Variants in DGKI observed in about 807,000 individuals in gnomAD.
DGKI encodes diacylglycerol kinase iota.
A neutral mutation model predicts 147.5 loss-of-function variants in DGKI; 55 were observed. The ratio of observed to expected loss-of-function variants is 0.37; its 90% CI spans 0.30 to 0.47. DGKI has a LOEUF of 0.47. Among genes scored for constraint, DGKI ranks in the 20% least tolerant of loss-of-function variants. The pLI is 1.00. For synonymous variants in DGKI, 469 were observed against 477.1 expected (o/e 0.98, Z 0.22); for missense variants, 1,007 against 1,323.8 (o/e 0.76, Z 3.71).
intron 28 of DGKI, among the ~76,000 whole-genome samples, chr7:137,415,714 G>A (rs1469797754): frequency 6.6e-6 from 1 of 152,108 alleles, no homozygotes; most frequent in Non-Finnish European, 1.5e-5. Context: ...AGGCATGGTG[G>A]CTCACATCTG....
At chr7:137,758,951 C>CAAAAA (rs1795771056) in intron 1 of DGKI, among the ~76,000 whole-genome samples, 3 of 152,076 alleles carry the variant, frequency 2.0e-5, no homozygotes, top group African/African-American at 7.2e-5. Context: ...TATGTATATT[C>CAAAAA]TTCTTAAATT....
At chr7:137,523,626 A>G (rs1037788491) in intron 20 of DGKI, among the ~76,000 whole-genome samples, 1 of 152,162 alleles carries the variant, frequency 6.6e-6, no homozygotes, top group Non-Finnish European at 1.5e-5. Context: ...ATTTGAAAAG[A>G]CAGATTCAAC....
intron 14 of DGKI, 39 bp downstream of exon 14, chr7:137,585,170 C>A (rs1036443854): frequency 6.2e-7 from 1 of 1,611,980 alleles, no homozygotes; most frequent in Admixed American, 1.7e-5. Context: ...CAGGCAGATG[C>A]TCCAGGGCTC....
intron 19 of DGKI, among the ~76,000 whole-genome samples, chr7:137,554,659 C>T (rs932255068): frequency 2.0e-5 from 3 of 152,204 alleles, no homozygotes; most frequent in East Asian, 3.9e-4. Context: ...AGTCATTCTA[C>T]TTGCTGTCAG....
At chr7:137,724,213 G>A (rs1266557715) in intron 1 of DGKI, among the ~76,000 whole-genome samples, 4 of 152,176 alleles carry the variant, frequency 2.6e-5, no homozygotes, top group Non-Finnish European at 5.9e-5. Flanking sequence ...AGCAAGCGAG[G>A]GAGGAGGTGA....
intron 1 of DGKI, among the ~76,000 whole-genome samples, chr7:137,723,392 A>G (rs1314311639): frequency 6.6e-6 from 1 of 152,206 alleles, no homozygotes; most frequent in Non-Finnish European, 1.5e-5. Context: ...GTTGTTTCCA[A>G]GGCTGTCAAA....
intron 1 of DGKI, among the ~76,000 whole-genome samples, chr7:137,711,557 T>C (rs28478384): frequency 6.6e-6 from 1 of 152,092 alleles, no homozygotes; most frequent in Non-Finnish European, 1.5e-5. Context: ...AGCTATACTA[T>C]GTATTCTTGA....
chr7:137,426,186 C>A (rs1039890984), intron 28 of DGKI, among the ~76,000 whole-genome samples: 2 of 152,200 alleles, frequency 1.3e-5, no homozygotes, highest in Admixed American at 6.5e-5. Context: ...GCCCATCAGA[C>A]TAACAGCGGA....
intron 15 of DGKI, among the ~76,000 whole-genome samples, chr7:137,579,450 A>AG (rs1554435469): frequency 4.8e-5 from 7 of 146,048 alleles, no homozygotes; most frequent in African/African-American, 1.9e-4. Context: ...AAAAAAAAAA[A>AG]AGAAAGAAAA....
At chr7:137,505,285 AT>A (rs1316853187) in intron 21 of DGKI, among the ~76,000 whole-genome samples, 2 of 152,172 alleles carry the variant, frequency 1.3e-5, no homozygotes, top group Non-Finnish European at 2.9e-5. Flanking sequence ...CCTTCTCCTT[AT>A]GATACTCTCC....
chr7:137,402,063 C>T (rs1244291778), intron 30 of DGKI, among the ~76,000 whole-genome samples: 1 of 152,156 alleles, frequency 6.6e-6, no homozygotes, highest in Non-Finnish European at 1.5e-5. Flanking sequence ...CAACACCTGT[C>T]AAACGGAGAT....
intron 20 of DGKI, among the ~76,000 whole-genome samples, chr7:137,534,074 T>C (rs1005807785): frequency 6.6e-6 from 1 of 152,150 alleles, no homozygotes; most frequent in Non-Finnish European, 1.5e-5. Flanking sequence ...TATAATTAAA[T>C]TGAAGCCCTC....
chr7:137,395,548 C>T (rs1344895256), intron 32 of DGKI, 50 bp downstream of exon 32: 2 of 1,557,218 alleles, frequency 1.3e-6, no homozygotes, highest in African/African-American at 2.7e-5. Flanking sequence ...GGCAACAGCG[C>T]CTGCGATCTC....
chr7:137,720,143 T>TTGCC, intron 1 of DGKI, among the ~76,000 whole-genome samples: 1 of 152,198 alleles, frequency 6.6e-6, no homozygotes, highest in East Asian at 1.9e-4. Flanking sequence ...GCTGTAATAC[T>TTGCC]TGCCTGCCAG....
chr7:137,561,694 T>C (rs966214157), intron 19 of DGKI, among the ~76,000 whole-genome samples: 37 of 152,054 alleles, frequency 2.4e-4, no homozygotes, highest in Non-Finnish European at 5.3e-4. Context: ...GCACAATTAC[T>C]ACTCATAAAT....
At chr7:137,569,132 G>A (rs1360015598) in intron 19 of DGKI, among the ~76,000 whole-genome samples, 3 of 152,058 alleles carry the variant, frequency 2.0e-5, no homozygotes, top group South Asian at 4.2e-4. Context: ...ATGAGAGCAG[G>A]GAAGGCTAGA....
chr7:137,424,198 G>T (rs1009062726), intron 28 of DGKI, among the ~76,000 whole-genome samples: 1 of 152,164 alleles, frequency 6.6e-6, no homozygotes. Context: ...TAGAAGAATT[G>T]TTATGTAAAT....
chr7:137,450,800 T>A (rs1158839126), intron 27 of DGKI, among the ~76,000 whole-genome samples: 3 of 151,324 alleles, frequency 2.0e-5, no homozygotes, highest in Non-Finnish European at 4.4e-5. Flanking sequence ...CACATATATA[T>A]ATATTTTACT....
chr7:137,781,584 A>C (rs1230020011), intron 1 of DGKI, among the ~76,000 whole-genome samples: 2 of 151,990 alleles, frequency 1.3e-5, no homozygotes, highest in Non-Finnish European at 2.9e-5. Flanking sequence ...GAAGCTGACC[A>C]CTCTCCTTCC....
Sources: allele counts gnomAD v4.1 joint callset (sites outside exome capture counted in the v4.1 genomes callset), GRCh38; gene constraint gnomAD v4.1.1; transcripts MANE v1.5; gene names NCBI Gene and HGNC (gene_info 2026-07-23, HGNC 2026-07-21).